EPHB2: variants seen among roughly 807,000 people sequenced by gnomAD.
EPHB2 encodes the protein ephrin type-B receptor 2.
In EPHB2, 18 loss-of-function variants were observed where a neutral mutation model predicts 96.4. The observed-to-expected ratio is 0.19, with a 90% CI of 0.13 to 0.28. The LOEUF (loss-of-function observed/expected upper bound fraction) is 0.28. Ranked by LOEUF, EPHB2 falls within the 10% of genes least tolerant of loss-of-function variation. EPHB2 has a pLI of 1.00. For synonymous variants in EPHB2, 506 were observed against 534.1 expected (o/e 0.95, Z 0.72); for missense variants, 989 against 1,355.4 (o/e 0.73, Z 4.25).
chr1:22,896,203 G>C (rs1557742331), intron 8 of EPHB2, among the ~76,000 whole-genome samples: 1 of 152,296 alleles, frequency 6.6e-6, no homozygotes, highest in East Asian at 1.9e-4. Flanking sequence ...AGGGGGCTTG[G>C]CTGGAGGGGG....
intron 3 of EPHB2, among the ~76,000 whole-genome samples, chr1:22,818,449 C>T (rs1170966466): frequency 6.6e-6 from 1 of 152,176 alleles, no homozygotes; most frequent in African/African-American, 2.4e-5. Flanking sequence ...TGCCCTCTTC[C>T]CCATCCAGCC....
rs543577562 is a variant in EPHB2 at position 22,917,291 on chromosome 1, T to G, written c.*3721T>G. On this transcript the variant is annotated 3_prime_UTR_variant, in exon 16 of 16. Coordinates refer to ENST00000374630, the MANE Select transcript of EPHB2 (RefSeq NM_017449.5). ...TCCCGCCCTGCCCAGTTAATCCTCC[T>G]GCCTCACTGAAGCACAGGAAGGACC... 1.3e-5 allele frequency: 2 copies of G among 152,406 alleles called. No homozygotes were observed. Among genetic ancestry groups the G allele is most frequent in the Admixed American group, 1.3e-4 (2 of 15,304 alleles). 9.4% of individuals were successfully genotyped at this position (152,406 alleles called of 1,614,324 possible).
chr1:22,908,287 C>A, intron 12 of EPHB2, 119 bp downstream of exon 12: 1 of 1,255,140 alleles, frequency 8.0e-7, no homozygotes, highest in Non-Finnish European at 1.1e-6. Flanking sequence ...GTCCTGGGCC[C>A]TGGAGACAGG....
chr1:22,861,400 G>A (rs1456906899), intron 3 of EPHB2, among the ~76,000 whole-genome samples: 1 of 152,202 alleles, frequency 6.6e-6, no homozygotes. Context: ...CACTCTGGGA[G>A]GCTGAGGCAG....
At chr1:22,873,153 T>G (rs1638727403) in intron 5 of EPHB2, among the ~76,000 whole-genome samples, 1 of 152,206 alleles carries the variant, frequency 6.6e-6, no homozygotes, top group Admixed American at 6.5e-5. Context: ...CAAGAAGCAC[T>G]TAGCTAGCTG....
rs150365119 is a variant in EPHB2 at position 22,892,788 on chromosome 1, G to A, written c.1429-96G>A. On this transcript the variant is annotated intron_variant, in intron 6 of 15. Coordinates refer to ENST00000374630, the MANE Select transcript of EPHB2 (RefSeq NM_017449.5). Reference sequence around the variant, plus strand: ...TGGGAACCATAGATGTTTATCCAATGGCCAGACCTGCCCCCAATGTGGCAG... The same window carrying A: ...TGGGAACCATAGATGTTTATCCAATAGCCAGACCTGCCCCCAATGTGGCAG... 3 of 1,486,164 alleles carry A rather than the reference G, an allele frequency of 2.0e-6. No individual in the cohort carries two copies. The African/African-American group carries it at 4.1e-5, about 21-fold the overall frequency. The allele number at this position is 1,486,164 out of a possible 1,614,324, so 92.1% of individuals were successfully genotyped here.
intron 3 of EPHB2, among the ~76,000 whole-genome samples, chr1:22,805,850 G>A (rs1481545162): frequency 6.6e-6 from 1 of 152,202 alleles, no homozygotes; most frequent in Admixed American, 6.5e-5. Context: ...AGAATGGAAT[G>A]AGCTAAAGCA....
At chr1:22,772,617 G>A (rs12410054) in intron 1 of EPHB2, among the ~76,000 whole-genome samples, 14,382 of 152,206 alleles carry the variant, frequency 0.094, 1,262 homozygotes, top group East Asian at 0.46. Flanking sequence ...TGAACCCAAG[G>A]CCATCCTGGG....
intron 3 of EPHB2, among the ~76,000 whole-genome samples, chr1:22,788,325 C>T (rs1644640751): frequency 6.6e-6 from 1 of 152,232 alleles, no homozygotes; most frequent in Non-Finnish European, 1.5e-5. Flanking sequence ...TCCCCTGGAC[C>T]TGAAAGCCTC....
chr1:22,870,566 T>C (rs4291474), intron 5 of EPHB2, among the ~76,000 whole-genome samples: 137,439 of 152,116 alleles, frequency 0.9, 63,681 homozygotes, highest in East Asian at 1. Flanking sequence ...GAGGAGGTGG[T>C]GTTTAAGCTG....
chr1:22,729,071 G>C (rs1454126099), intron 1 of EPHB2, among the ~76,000 whole-genome samples: 3 of 152,210 alleles, frequency 2.0e-5, no homozygotes, highest in African/African-American at 7.2e-5. Context: ...CTCACTCGGG[G>C]TAATGCCTCC....
At chr1:22,863,318 G>C in intron 4 of EPHB2, 126 bp downstream of exon 4, 1 of 1,503,182 alleles carries the variant, frequency 6.7e-7, no homozygotes, top group Non-Finnish European at 9.0e-7. Context: ...AAGAGAAATG[G>C]AAAAGTGCTC....
chr1:22,751,870 C>T (rs1644068811), intron 1 of EPHB2, among the ~76,000 whole-genome samples: 1 of 152,162 alleles, frequency 6.6e-6, no homozygotes. Context: ...TCCTGGGAAG[C>T]GGAGAATGAA....
intron 1 of EPHB2, among the ~76,000 whole-genome samples, chr1:22,780,899 G>T (rs766541649): frequency 1.3e-4 from 20 of 152,080 alleles, no homozygotes; most frequent in Non-Finnish European, 2.4e-4. Context: ...TGGCTAGGCT[G>T]TGGGGGTAGG....
At chr1:22,848,289 A>G (rs1475198033) in intron 3 of EPHB2, among the ~76,000 whole-genome samples, 1 of 152,140 alleles carries the variant, frequency 6.6e-6, no homozygotes, top group Non-Finnish European at 1.5e-5. Flanking sequence ...TGTGCCCGTG[A>G]CTGCTGCTGA....
chr1:22,854,146 G>A (rs1318332342), intron 3 of EPHB2, among the ~76,000 whole-genome samples: 3 of 152,190 alleles, frequency 2.0e-5, no homozygotes, highest in Admixed American at 6.5e-5. Context: ...AGGAGTAAAC[G>A]GGCAAGAAGG....
At chr1:22,882,744 C>T (rs776192955) in intron 6 of EPHB2, 1 of 437,448 alleles carries the variant, frequency 2.3e-6, no homozygotes, top group Admixed American at 3.5e-5. Flanking sequence ...TGAAATGCAA[C>T]AGTCACATCC....
At chr1:22,816,832 C>T (rs1207550924) in intron 3 of EPHB2, among the ~76,000 whole-genome samples, 1 of 152,156 alleles carries the variant, frequency 6.6e-6, no homozygotes, top group Non-Finnish European at 1.5e-5. Flanking sequence ...CTAAGGTCAC[C>T]CTGGGGGAGA....
chr1:22,735,312 G>A (rs535248181), intron 1 of EPHB2, among the ~76,000 whole-genome samples: 44 of 152,028 alleles, frequency 2.9e-4, no homozygotes, highest in Admixed American at 2.9e-3. Flanking sequence ...GGTGGCATGT[G>A]CCTATAGTCC....
Sources: gnomAD v4.1 joint callset for allele counts (sites outside exome capture counted in the v4.1 genomes callset) on GRCh38, gnomAD v4.1.1 for gene constraint, MANE v1.5 for transcripts, NCBI Gene and HGNC (gene_info 2026-07-23, HGNC 2026-07-21) for gene names.